The following POU2F2 variants were observed in gnomAD, a reference collection of about 807,000 sequenced individuals.
The protein encoded by POU2F2 is POU domain, class 2, transcription factor 2.
A neutral mutation model predicts 63.5 loss-of-function variants in POU2F2; 14 were observed. The observed-to-expected ratio is 0.22, with a 90% CI of 0.15 to 0.34. POU2F2 has a LOEUF of 0.34. Ranked by LOEUF, POU2F2 falls within the 10% of genes least tolerant of loss-of-function variation. The pLI, the probability that POU2F2 is intolerant of heterozygous loss-of-function variation, is 1.00. For missense variants in POU2F2, 607 were observed against 815.2 expected, an observed-to-expected ratio of 0.74 and a Z score of 3.11; for synonymous variants, 306 against 348.6, an observed-to-expected ratio of 0.88 and a Z score of 1.36.
intron 2 of POU2F2, among the ~76,000 whole-genome samples, chr19:42,146,904 A>G (rs1320562935): frequency 1.3e-5 from 2 of 152,130 alleles, no homozygotes; most frequent in Non-Finnish European, 2.9e-5. Context: ...ATTGTCACCA[A>G]TTCCAAAAGC....
intron 2 of POU2F2, among the ~76,000 whole-genome samples, chr19:42,148,857 C>G (rs1238367717): frequency 2.0e-5 from 3 of 152,064 alleles, no homozygotes; most frequent in Admixed American, 6.6e-5. Flanking sequence ...GGCCCCTGCT[C>G]TGGGGAGCTG....
At chr19:42,104,029 A>G (rs2077244028) in intron 5 of POU2F2, among the ~76,000 whole-genome samples, 1 of 152,190 alleles carries the variant, frequency 6.6e-6, no homozygotes, top group African/African-American at 2.4e-5. Context: ...CAAATCCATA[A>G]GTAAAAAACT....
intron 5 of POU2F2, among the ~76,000 whole-genome samples, chr19:42,113,613 A>G (rs79388070): frequency 0.021 from 3,140 of 152,346 alleles, 104 homozygotes; most frequent in African/African-American, 0.07. Context: ...GTATCTTTCA[A>G]GTGAAACATT....
In POU2F2 at chr19:42,087,340, G is replaced by C. The variant is rs914931261; in HGVS notation, c.*3917C>G. 2 of 151,892 alleles carry C rather than the reference G, an allele frequency of 1.3e-5. No individual in the cohort carries two copies. The highest frequency in any genetic ancestry group is 4.8e-5 in the African/African-American group (2 of 41,326). 9.4% of individuals were successfully genotyped at this position (151,892 alleles called of 1,614,324 possible). On this transcript the variant is annotated 3_prime_UTR_variant, in exon 15 of 15. Coordinates refer to ENST00000692977, the MANE Select transcript of POU2F2 (RefSeq NM_001394376.1). ...GAGAGAGGCACCCTGGTGTTCATGT[G>C]GGTTAGAAAAACTAGTCAGGTCAAG...
At chr19:42,128,374 T>C (rs80350943) in intron 1 of POU2F2, among the ~76,000 whole-genome samples, 17 of 152,156 alleles carry the variant, frequency 1.1e-4, no homozygotes, top group African/African-American at 3.9e-4. Context: ...CAAGAGTGGT[T>C]TGAGGGAAAT....
At chr19:42,168,887 G>A (rs530873479) in intron 1 of POU2F2, among the ~76,000 whole-genome samples, 3 of 152,266 alleles carry the variant, frequency 2.0e-5, no homozygotes, top group East Asian at 1.9e-4. Flanking sequence ...AGGTTCTTCC[G>A]TGATGCCCTC....
intron 2 of POU2F2, among the ~76,000 whole-genome samples, chr19:42,137,728 TAGA>T (rs1180106350): frequency 4.6e-5 from 7 of 151,828 alleles, no homozygotes; most frequent in African/African-American, 1.5e-4. Flanking sequence ...TTAAAAAAAG[TAGA>T]AGGAGGATAC....
intron 1 of POU2F2, among the ~76,000 whole-genome samples, chr19:42,190,275 C>A (rs1324132137): frequency 6.8e-6 from 1 of 147,800 alleles, no homozygotes; most frequent in African/African-American, 2.5e-5. Flanking sequence ...TTAAAAAAAT[C>A]TTTATATATA....
intron 5 of POU2F2, among the ~76,000 whole-genome samples, chr19:42,101,446 C>G (rs186584044): frequency 1.1e-3 from 173 of 152,076 alleles, no homozygotes; most frequent in Non-Finnish European, 2.2e-3. Flanking sequence ...ACATGGATAA[C>G]GGGAAGATGA....
chr19:42,103,623 G>GT (rs1479387071), intron 5 of POU2F2, among the ~76,000 whole-genome samples: 3 of 132,126 alleles, frequency 2.3e-5, no homozygotes, highest in Admixed American at 7.6e-5. Context: ...GAAGGGGCTC[G>GT]TTTCTTTTTT....
chr19:42,163,746 A>G (rs2034596596), intron 1 of POU2F2, among the ~76,000 whole-genome samples: 1 of 152,158 alleles, frequency 6.6e-6, no homozygotes, highest in Non-Finnish European at 1.5e-5. Flanking sequence ...CAATGTCTTC[A>G]TTTGTAAACT....
chr19:42,149,873 T>C (rs1381987324), intron 2 of POU2F2, among the ~76,000 whole-genome samples: 4 of 152,176 alleles, frequency 2.6e-5, no homozygotes, highest in Non-Finnish European at 4.4e-5. Context: ...GACTGACACA[T>C]GGGAAGGTGT....
chr19:42,160,964 T>A (rs767544291), intron 1 of POU2F2, among the ~76,000 whole-genome samples: 1 of 152,238 alleles, frequency 6.6e-6, no homozygotes, highest in Non-Finnish European at 1.5e-5. Context: ...GTGCATTTAG[T>A]TCATCAACAA....
chr19:42,165,157 C>G (rs1007212098), intron 1 of POU2F2, among the ~76,000 whole-genome samples: 3 of 152,210 alleles, frequency 2.0e-5, no homozygotes, highest in Non-Finnish European at 2.9e-5. Context: ...TGTTTCTCTG[C>G]TTCCCTCTCC....
chr19:42,191,766 G>T (rs954815236), intron 1 of POU2F2, among the ~76,000 whole-genome samples: 5 of 152,208 alleles, frequency 3.3e-5, no homozygotes, highest in Admixed American at 3.3e-4. Context: ...CTGAAAGGCA[G>T]GTGCTGGGAT....
rs1462671021 is a variant in POU2F2, at chr19:42,122,271, C to T, written c.129+73G>A. 28 of 1,515,672 alleles carry T rather than the reference C, an allele frequency of 1.8e-5. 1 individual carries two copies. Among genetic ancestry groups the T allele is most frequent in the African/African-American group, 4.4e-5 (3 of 68,538 alleles). 93.9% of individuals were successfully genotyped at this position (1,515,672 alleles called of 1,614,324 possible). On this transcript the variant is annotated intron_variant, in intron 3 of 14. Transcript: ENST00000692977. ...CCGCTCCCTGCCCTCCTACCATAGG[C>T]GGCACAGAGCCCCCTCTGAACCCCT...
rs528006787 is a variant in POU2F2, at chr19:42,111,040, G to A, written c.369+6210C>T. Among the ~76,000 whole-genome samples the A allele has an allele frequency of 2.6e-5, 4 of 152,304 alleles. No individual in the cohort carries two copies. The South Asian group carries it at 8.3e-4, about 32-fold the overall frequency. On this transcript the variant is annotated intron_variant, in intron 5 of 14. Transcript: ENST00000692977. ...CTCATGTCACCACACTTGAATGTGA[G>A]CTCTTGAGGGTGGGAACCCAATCTG...
intron 1 of POU2F2, among the ~76,000 whole-genome samples, chr19:42,163,619 C>A (rs1423647264): frequency 6.6e-6 from 1 of 152,134 alleles, no homozygotes; most frequent in African/African-American, 2.4e-5. Flanking sequence ...CTCTCGGGAT[C>A]CCTCAGTCCC....
At chr19:42,122,643 T>C in intron 1 of POU2F2, 67 bp from the exon 2 acceptor site, 1 of 1,367,162 alleles carries the variant, frequency 7.3e-7, no homozygotes, top group Non-Finnish European at 1.0e-6. Flanking sequence ...CGGGCCCCCA[T>C]TCCACCACAC....
Sources: gnomAD v4.1 joint callset for allele counts (sites outside exome capture counted in the v4.1 genomes callset) on GRCh38, gnomAD v4.1.1 for gene constraint, MANE v1.5 for transcripts, NCBI Gene and HGNC (gene_info 2026-07-23, HGNC 2026-07-21) for gene names.